PTCHD4: variants seen among roughly 807,000 people sequenced by gnomAD.
PTCHD4 encodes the protein patched domain containing 4.
PTCHD4 carries 33 observed loss-of-function variants against 58.1 expected under a neutral mutation model. The ratio of observed to expected loss-of-function variants is 0.57; its 90% CI spans 0.43 to 0.76. The LOEUF (loss-of-function observed/expected upper bound fraction) is 0.76, where lower values mean the gene tolerates loss of function less well. Ranked by LOEUF, PTCHD4 falls within the 30% of genes least tolerant of loss-of-function variation. PTCHD4 has a pLI of 0.00. For missense variants in PTCHD4, 1,058 were observed against 1,027.1 expected (o/e 1.03, Z -0.41); for synonymous variants, 478 against 409.6 (o/e 1.17, Z -2.02).
intron 4 of PTCHD4, among the ~76,000 whole-genome samples, chr6:47,919,449 G>C (rs899665564): frequency 6.6e-6 from 1 of 152,194 alleles, no homozygotes; most frequent in Non-Finnish European, 1.5e-5. Context: ...CTTTCAATCA[G>C]TTGATTATGG....
At chr6:47,902,482 G>A (rs1409894335) in intron 4 of PTCHD4, among the ~76,000 whole-genome samples, 1 of 152,156 alleles carries the variant, frequency 6.6e-6, no homozygotes, top group Non-Finnish European at 1.5e-5. Flanking sequence ...TCAGGGAAAT[G>A]CATAAATGGG....
chr6:48,096,347 C>T (rs193282239), intron 1 of PTCHD4, among the ~76,000 whole-genome samples: 32 of 152,176 alleles, frequency 2.1e-4, no homozygotes, highest in Admixed American at 1.6e-3. Flanking sequence ...CGTGGTGGCT[C>T]ACAACTGTAA....
rs1763836870 is a variant in PTCHD4 at position 47,875,954 on chromosome 6, T to C, written c.*2349A>G. ...TGGGAAGAAAAGGAGTGATAGTTAA[T>C]TAACTTTCTCAGTGATTATCTCCCA... is the stretch of plus-strand genomic sequence containing the variant. On this transcript the variant is annotated 3_prime_UTR_variant, in exon 5 of 5. Coordinates refer to ENST00000339488, the MANE Select transcript of PTCHD4 (RefSeq NM_001384253.1). Among the ~76,000 whole-genome samples, 1 of 151,766 alleles carries C rather than the reference T, an allele frequency of 6.6e-6. No individual in the cohort carries two copies. Among genetic ancestry groups the C allele is most frequent in the Non-Finnish European group, 1.5e-5 (1 of 67,876 alleles).
intron 3 of PTCHD4, among the ~76,000 whole-genome samples, chr6:48,064,452 A>G (rs931286014): frequency 4.6e-5 from 7 of 152,288 alleles, no homozygotes; most frequent in East Asian, 1.9e-4. Context: ...TCTCACTTTA[A>G]TCAAGAGGTA....
chr6:48,061,759 C>G (rs1159624574), intron 3 of PTCHD4, among the ~76,000 whole-genome samples: 1 of 152,190 alleles, frequency 6.6e-6, no homozygotes, highest in East Asian at 1.9e-4. Flanking sequence ...TAAGTCAGAA[C>G]CATTGCCTAA....
intron 1 of PTCHD4, among the ~76,000 whole-genome samples, chr6:48,089,117 C>A (rs1471203859): frequency 6.6e-6 from 1 of 152,122 alleles, no homozygotes; most frequent in Non-Finnish European, 1.5e-5. Context: ...ATGTTGAAGA[C>A]AGAGGTACAC....
chr6:47,887,046 T>C (rs1201780602), intron 4 of PTCHD4, among the ~76,000 whole-genome samples: 1 of 152,182 alleles, frequency 6.6e-6, no homozygotes, highest in Non-Finnish European at 1.5e-5. Context: ...TGTATATTAA[T>C]TATTGGCTTA....
intron 4 of PTCHD4, among the ~76,000 whole-genome samples, chr6:47,904,597 T>C (rs1764817427): frequency 6.6e-6 from 1 of 152,166 alleles, no homozygotes; most frequent in African/African-American, 2.4e-5. Context: ...ATGTGCAAAA[T>C]AGAACAGGAG....
rs1475388648 is a variant in PTCHD4, at chr6:48,068,761, C to G, written c.6-120G>C. ...CCTCCCCACCCACTCCGCGCTCACC[C>G]CACAACCACTCCGCCTGGTCTTTCC... is the stretch of plus-strand genomic sequence containing the variant. On this transcript the variant is annotated intron_variant, in intron 2 of 4. Coordinates refer to ENST00000339488, the MANE Select transcript of PTCHD4 (RefSeq NM_001384253.1). The surrounding 1 kb of genome is among the most constrained non-coding windows in gnomAD (Gnocchi z 4.2). The G allele has an allele frequency of 1.1e-6, 1 of 897,928 alleles. No individual in the cohort carries two copies. The highest frequency in any genetic ancestry group is 1.7e-6 in the Non-Finnish European group (1 of 605,822). 55.6% of individuals were successfully genotyped at this position (897,928 alleles called of 1,614,324 possible).
chr6:48,099,860 C>G (rs1265019600), intron 1 of PTCHD4, among the ~76,000 whole-genome samples: 1 of 152,138 alleles, frequency 6.6e-6, no homozygotes, highest in Non-Finnish European at 1.5e-5. Flanking sequence ...GTTTACTATG[C>G]AAACAAATGT....
chr6:47,897,940 C>CTTTCTTTTT (rs1391426036), intron 4 of PTCHD4, among the ~76,000 whole-genome samples: 1 of 76,356 alleles, frequency 1.3e-5, no homozygotes, highest in African/African-American at 4.9e-5. Context: ...TTCTTTCTTT[C>CTTTCTTTTT]TTTTTTTTTT....
chr6:47,974,120 T>TA (rs1201282289), intron 4 of PTCHD4, among the ~76,000 whole-genome samples: 1 of 152,152 alleles, frequency 6.6e-6, no homozygotes, highest in African/African-American at 2.4e-5. Context: ...TGAGTACAAA[T>TA]AATGAGGGAT....
intron 3 of PTCHD4, among the ~76,000 whole-genome samples, chr6:48,015,565 A>G (rs935102843): frequency 1.1e-4 from 16 of 151,996 alleles, no homozygotes; most frequent in African/African-American, 3.6e-4. Flanking sequence ...CTCTGCCTGA[A>G]ATGCTTTCTT....
intron 1 of PTCHD4, among the ~76,000 whole-genome samples, chr6:48,108,441 AG>A (rs1448866748): frequency 6.6e-6 from 1 of 151,308 alleles, no homozygotes; most frequent in African/African-American, 2.4e-5. Context: ...ATCACACACC[AG>A]GGACTGTTGT....
At chr6:47,884,560 C>T (rs556936271) in intron 4 of PTCHD4, among the ~76,000 whole-genome samples, 5 of 152,254 alleles carry the variant, frequency 3.3e-5, no homozygotes, top group African/African-American at 1.2e-4. Flanking sequence ...ATGTGACATG[C>T]CCCACTGAAT....
At chr6:48,106,173 C>T (rs979557024) in intron 1 of PTCHD4, among the ~76,000 whole-genome samples, 2 of 152,128 alleles carry the variant, frequency 1.3e-5, no homozygotes, top group Non-Finnish European at 2.9e-5. Flanking sequence ...GACCAATATC[C>T]TTGATGAACA....
At chr6:47,897,445 C>G (rs988824256) in intron 4 of PTCHD4, among the ~76,000 whole-genome samples, 1 of 152,152 alleles carries the variant, frequency 6.6e-6, no homozygotes, top group African/African-American at 2.4e-5. Flanking sequence ...ACCAGTCACC[C>G]GTCTCTTAAC....
chr6:48,033,513 C>T (rs551364818), intron 3 of PTCHD4, among the ~76,000 whole-genome samples: 1 of 151,586 alleles, frequency 6.6e-6, no homozygotes, highest in African/African-American at 2.4e-5. Context: ...CTTCAATGGA[C>T]TTAGTGTGGA....
Position 47,881,307 on chromosome 6 carries a change from C to T in PTCHD4, c.899-1371G>A, listed in dbSNP as rs149613611. 1.9e-3 allele frequency among the ~76,000 whole-genome samples: 283 copies of T among 152,238 alleles called. 4 individuals carry two copies. The highest frequency in any genetic ancestry group is 6.6e-3 in the African/African-American group (273 of 41,558). On this transcript the variant is annotated intron_variant, in intron 4 of 4. Transcript: ENST00000339488. The stretch of plus-strand genomic sequence containing the variant: ...TTTTGCTAACTGACCTGTATAATTC[C>T]TCCCTTTCTTTTATTTGAGACTACA...
Sources: gnomAD v4.1 joint callset for allele counts (sites outside exome capture counted in the v4.1 genomes callset) on GRCh38, gnomAD v4.1.1 for gene constraint, Gnocchi (gnomAD v3.1) non-coding constraint, MANE v1.5 for transcripts, NCBI Gene and HGNC (gene_info 2026-07-23, HGNC 2026-07-21) for gene names.